The following ALKAL1 variants were observed in gnomAD, a reference collection of about 807,000 sequenced individuals.
ALKAL1 encodes the protein ALK and LTK ligand 1.
In ALKAL1, 23 loss-of-function variants were observed where a neutral mutation model predicts 13.5. That is an observed-to-expected ratio of 1.70 (90% CI 1.23 to 2.41). The LOEUF (loss-of-function observed/expected upper bound fraction) is 2.41, where lower values mean the gene tolerates loss of function less well. Among genes scored for constraint, ALKAL1 ranks in the 30% most tolerant of loss-of-function variants. The pLI is 0.00. For synonymous variants in ALKAL1, 85 were observed against 77.7 expected (o/e 1.09, Z -0.49); for missense variants, 181 against 178.4 (o/e 1.01, Z -0.08).
intron 1 of ALKAL1, among the ~76,000 whole-genome samples, chr8:52,546,865 G>T (rs1268022828): frequency 1.3e-5 from 2 of 152,292 alleles, no homozygotes; most frequent in East Asian, 3.9e-4. Flanking sequence ...GAGATCCTTT[G>T]TCTCTGTGCT....
At chr8:52,554,515 G>A (rs1253864819) in intron 1 of ALKAL1, among the ~76,000 whole-genome samples, 1 of 152,116 alleles carries the variant, frequency 6.6e-6, no homozygotes, top group Non-Finnish European at 1.5e-5. Context: ...ACTTTGACCA[G>A]AAATAAAGAA....
intron 4 of ALKAL1, among the ~76,000 whole-genome samples, chr8:52,536,163 T>G: frequency 6.6e-6 from 1 of 152,210 alleles, no homozygotes; most frequent in East Asian, 1.9e-4. Context: ...GGTCTCGAAC[T>G]CCTGACTTCA....
chr8:52,547,250 C>T (rs1847378884), intron 1 of ALKAL1, among the ~76,000 whole-genome samples: 1 of 152,190 alleles, frequency 6.6e-6, no homozygotes, highest in African/African-American at 2.4e-5. Flanking sequence ...ATAATTCCAA[C>T]ACTTTGGGAG....
intron 1 of ALKAL1, among the ~76,000 whole-genome samples, chr8:52,553,628 C>T (rs925306051): frequency 8.5e-5 from 13 of 152,202 alleles, no homozygotes; most frequent in East Asian, 7.7e-4. Flanking sequence ...TCAAAGTCCT[C>T]CTATATTATA....
chr8:52,548,893 A>G lies in ALKAL1; in HGVS notation c.191-6448T>C, dbSNP rs149094749. On this transcript the variant is annotated intron_variant, in intron 1 of 4. Coordinates refer to ENST00000358543, the MANE Select transcript of ALKAL1 (RefSeq NM_207413.4). ...TAGATGTGCATATATATGTACATAT[A>G]TATGTTGGCATACTATCTCTTATTC... is the stretch of plus-strand genomic sequence containing the variant. Among the ~76,000 whole-genome samples the G allele has an allele frequency of 5.0e-3, 764 of 152,222 alleles. 3 individuals carry two copies. Among genetic ancestry groups the G allele is most frequent in the Middle Eastern group, 0.024 (7 of 294 alleles).
chr8:52,546,335 T>C (rs1847368399), intron 1 of ALKAL1, among the ~76,000 whole-genome samples: 1 of 152,204 alleles, frequency 6.6e-6, no homozygotes, highest in African/African-American at 2.4e-5. Flanking sequence ...CAGAACTGAG[T>C]AGTTGTTGCA....
intron 1 of ALKAL1, among the ~76,000 whole-genome samples, chr8:52,546,691 T>C (rs1847372575): frequency 6.6e-6 from 1 of 152,260 alleles, no homozygotes; most frequent in Non-Finnish European, 1.5e-5. Context: ...AGTTTAAGAC[T>C]GTGAGGTCCA....
At chr8:52,538,682 G>T (rs1256688755) in intron 3 of ALKAL1, among the ~76,000 whole-genome samples, 175 bp from the exon 4 acceptor site, 1 of 151,984 alleles carries the variant, frequency 6.6e-6, no homozygotes, top group Non-Finnish European at 1.5e-5. Context: ...AATCGGGAAG[G>T]TGCTATTCCT....
intron 1 of ALKAL1, among the ~76,000 whole-genome samples, chr8:52,562,314 A>AT (rs967211636): frequency 6.6e-6 from 1 of 152,216 alleles, no homozygotes; most frequent in African/African-American, 2.4e-5. Context: ...GAAGACCCAG[A>AT]TTCGAGAGAC....
chr8:52,537,824 C>T (rs547550550), intron 4 of ALKAL1, among the ~76,000 whole-genome samples: 37 of 151,616 alleles, frequency 2.4e-4, no homozygotes, highest in African/African-American at 8.7e-4. Flanking sequence ...GGGCCAGGCA[C>T]GGTGGCTCAC....
At chr8:52,546,670 A>C (rs1847372263) in intron 1 of ALKAL1, among the ~76,000 whole-genome samples, 1 of 152,232 alleles carries the variant, frequency 6.6e-6, no homozygotes, top group Non-Finnish European at 1.5e-5. Context: ...GTTATTAGCA[A>C]ATCGGGTATC....
intron 1 of ALKAL1, among the ~76,000 whole-genome samples, chr8:52,560,985 A>G (rs1442914965): frequency 6.6e-6 from 1 of 152,198 alleles, no homozygotes; most frequent in East Asian, 1.9e-4. Flanking sequence ...GGCTATGTTC[A>G]TCTGTTTGAC....
chr8:52,556,702 A>G (rs1847487256), intron 1 of ALKAL1, among the ~76,000 whole-genome samples: 1 of 150,184 alleles, frequency 6.7e-6, no homozygotes, highest in Non-Finnish European at 1.5e-5. Context: ...TCTCAACAGT[A>G]ATGATACAGT....
chr8:52,536,098 C>A (rs1016844564), intron 4 of ALKAL1, among the ~76,000 whole-genome samples: 1 of 152,160 alleles, frequency 6.6e-6, no homozygotes, highest in Non-Finnish European at 1.5e-5. Context: ...ACCACCACAC[C>A]CAGCTAATTT....
chr8:52,536,281 C>CTTAAAAGTT (rs1275988689), intron 4 of ALKAL1, among the ~76,000 whole-genome samples: 5 of 152,146 alleles, frequency 3.3e-5, no homozygotes, highest in Non-Finnish European at 7.4e-5. Flanking sequence ...CCTGAGGAAC[C>CTTAAAAGTT]CGTTTCCTTA....
intron 1 of ALKAL1, among the ~76,000 whole-genome samples, chr8:52,559,801 T>G (rs1385747605): frequency 6.6e-6 from 1 of 152,212 alleles, no homozygotes; most frequent in African/African-American, 2.4e-5. Context: ...ACAATAGGTC[T>G]GCTTTAGCTT....
rs751339512 is a variant in ALKAL1 at position 52,557,514 on chromosome 8, G to A, written c.190+7553C>T. Among the ~76,000 whole-genome samples, 34 of 152,024 alleles carry A rather than the reference G, an allele frequency of 2.2e-4. 1 individual carries two copies. The highest frequency in any genetic ancestry group is 8.5e-4 in the Admixed American group (13 of 15,252). ...ATCACCTTTTGGGGTTTCAATTTTCGGTGTTTTTGTTTTCCTGTTTTCTCA... is the reference window on the plus strand; with the variant it reads ...ATCACCTTTTGGGGTTTCAATTTTCAGTGTTTTTGTTTTCCTGTTTTCTCA... On this transcript the variant is annotated intron_variant, in intron 1 of 4. Coordinates refer to ENST00000358543, the MANE Select transcript of ALKAL1 (RefSeq NM_207413.4).
intron 1 of ALKAL1, among the ~76,000 whole-genome samples, chr8:52,558,635 A>C (rs1377432645): frequency 1.3e-5 from 2 of 151,962 alleles, no homozygotes; most frequent in Non-Finnish European, 2.9e-5. Context: ...CAGCGGCTAA[A>C]GTCGGGCTCG....
intron 1 of ALKAL1, among the ~76,000 whole-genome samples, chr8:52,551,241 C>T (rs1430957086): frequency 6.6e-6 from 1 of 152,034 alleles, no homozygotes; most frequent in Non-Finnish European, 1.5e-5. Flanking sequence ...TGTAAAGACC[C>T]ACCTACAAAG....
Sources: gnomAD v4.1 joint callset for allele counts (sites outside exome capture counted in the v4.1 genomes callset) on GRCh38, gnomAD v4.1.1 for gene constraint, MANE v1.5 for transcripts, NCBI Gene and HGNC (gene_info 2026-07-23, HGNC 2026-07-21) for gene names.